Variants in PLEKHA7 observed in about 807,000 individuals in gnomAD.
PLEKHA7 encodes pleckstrin homology domain containing A7.
Under a neutral mutation model 170.0 loss-of-function variants are expected in PLEKHA7, and 104 were observed. The observed-to-expected ratio is 0.61, with a 90% CI of 0.52 to 0.72. The LOEUF is 0.72. PLEKHA7 is among the 30% of genes least tolerant of loss of function. PLEKHA7 has a pLI of 0.00. For missense variants in PLEKHA7, 1,615 were observed against 1,671.7 expected (o/e 0.97, Z 0.59); for synonymous variants, 648 against 660.8 (o/e 0.98, Z 0.30).
chr11:16,832,354 A>G (rs1851184842), intron 9 of PLEKHA7, among the ~76,000 whole-genome samples: 1 of 152,212 alleles, frequency 6.6e-6, no homozygotes, highest in Non-Finnish European at 1.5e-5. Flanking sequence ...GTTGGGCCCC[A>G]GCATTTCTAG....
At chr11:16,809,917 G>C (rs1849245570) in intron 13 of PLEKHA7, among the ~76,000 whole-genome samples, 1 of 152,164 alleles carries the variant, frequency 6.6e-6, no homozygotes, top group Non-Finnish European at 1.5e-5. Flanking sequence ...CACTGTAGCT[G>C]TACCAGCTGC....
At chr11:16,831,399 C>T (rs766579447) in intron 9 of PLEKHA7, among the ~76,000 whole-genome samples, 5 of 152,132 alleles carry the variant, frequency 3.3e-5, no homozygotes, top group East Asian at 1.9e-4. Context: ...TTTAGCACAA[C>T]GATGGGAAGG....
intron 10 of PLEKHA7, among the ~76,000 whole-genome samples, chr11:16,820,960 C>T (rs1359551169): frequency 1.3e-5 from 2 of 152,150 alleles, no homozygotes; most frequent in African/African-American, 2.4e-5. Context: ...AGACCCCATG[C>T]GAGCAAGTGG....
rs913886021 is a variant in PLEKHA7, at chr11:16,947,773, G to A, written c.221+66216C>T. Among the ~76,000 whole-genome samples the A allele has an allele frequency of 4.0e-5, 6 of 151,310 alleles. No individual in the cohort carries two copies. In the East Asian group the frequency reaches 5.9e-4, roughly 15 times the overall value. On this transcript the variant is annotated intron_variant, in intron 3 of 26. Transcript: ENST00000531066. Reference sequence around the variant, plus strand: ...TCTACTAATACACAAAAAATTAGCCGGGCTTGGTGGCGCATGCCTGTATTC... The same window carrying A: ...TCTACTAATACACAAAAAATTAGCCAGGCTTGGTGGCGCATGCCTGTATTC...
chr11:16,849,806 T>G lies in PLEKHA7; in HGVS notation c.696+1385A>C, dbSNP rs111933443. Among the ~76,000 whole-genome samples the G allele has an allele frequency of 4.6e-3, 697 of 152,224 alleles. 6 individuals carry two copies. The highest frequency in any genetic ancestry group is 0.016 in the African/African-American group (663 of 41,516). The stretch of plus-strand genomic sequence containing the variant: ...TTTTAAAGATATAAGGCAACAGTAT[T>G]CCACGCAACATGACACAGAGCACTA... On this transcript the variant is annotated intron_variant, in intron 8 of 26. Transcript: ENST00000531066.
At chr11:16,836,139 C>T (rs10766352) in intron 9 of PLEKHA7, among the ~76,000 whole-genome samples, 70,637 of 152,090 alleles carry the variant, frequency 0.46, 18,002 homozygotes, top group East Asian at 0.71. Flanking sequence ...TGGCTCTTTC[C>T]TACTGGATTT....
rs1218900560 is a variant in PLEKHA7 at position 16,841,704 on chromosome 11, G to A, written c.715C>T (p.Arg239Ter). ...YSFKAVHTGMRALIYNSSTAG... is the reference protein window; with the variant it reads ...YSFKAVHTGM ...GTGGAGCTGTTATAGATGAGCGCTC[G>A]CATCCCCGTGTGCACAGCCTGTAGC... is the stretch of plus-strand genomic sequence containing the variant. The change falls in exon 9 of 27, where the codon CGA becomes TGA. Residue 239 changes from arginine to a stop codon, truncating the protein, a stop_gained. Coordinates refer to ENST00000531066, the MANE Select transcript of PLEKHA7 (RefSeq NM_001329630.2). LOFTEE classifies it high-confidence loss of function. 3.1e-6 allele frequency: 5 copies of A among 1,613,844 alleles called. No homozygotes were observed. Among genetic ancestry groups the A allele is most frequent in the South Asian group, 1.1e-5 (1 of 91,070 alleles).
At position 16,855,905 on chromosome 11, in the gene PLEKHA7, T is replaced by G; in HGVS notation, c.315A>C (p.Pro105=). ...GGTTTCTGTCTTGCTTCGACATATGTGGATTCGGCCTGTGAGGAGACAGGG... is the reference window on the plus strand; with the variant it reads ...GGTTTCTGTCTTGCTTCGACATATGGGGATTCGGCCTGTGAGGAGACAGGG... ...SEFILQEEPN[P]HMSKQDRNQR... The change falls in exon 5 of 27, where the codon CCA becomes CCC. Residue 105 remains proline, a synonymous_variant. Transcript: ENST00000531066. 1 of 1,613,784 alleles carries G rather than the reference T, an allele frequency of 6.2e-7. No homozygotes were observed. The highest frequency in any genetic ancestry group is 8.5e-7 in the Non-Finnish European group (1 of 1,179,654).
intron 19 of PLEKHA7, among the ~76,000 whole-genome samples, chr11:16,793,633 C>A (rs1186935504): frequency 6.6e-6 from 1 of 152,264 alleles, no homozygotes; most frequent in African/African-American, 2.4e-5. Context: ...GGCTTCCCTG[C>A]ACTGGGACCA....
chr11:16,814,576 C>T (rs1351089569), intron 12 of PLEKHA7, among the ~76,000 whole-genome samples: 2 of 152,210 alleles, frequency 1.3e-5, no homozygotes, highest in African/African-American at 2.4e-5. Flanking sequence ...GTTCTTGCAA[C>T]AGTTTAGAAC....
intron 3 of PLEKHA7, among the ~76,000 whole-genome samples, chr11:16,937,783 T>C (rs559193683): frequency 2.9e-4 from 44 of 152,192 alleles, no homozygotes; most frequent in Admixed American, 9.2e-4. Flanking sequence ...TAATTTTGTA[T>C]TTTTAGTAGA....
Position 16,992,958 on chromosome 11 carries a change from C to G in PLEKHA7, c.221+21031G>C, listed in dbSNP as rs922759706. On this transcript the variant is annotated intron_variant, in intron 3 of 26. Coordinates refer to ENST00000531066, the MANE Select transcript of PLEKHA7 (RefSeq NM_001329630.2). ...AGTGCCTCACTGGTTGTGAAATTCCCTCCAGGCCCTTAAGTGATATTTGAC... is the reference window on the plus strand; with the variant it reads ...AGTGCCTCACTGGTTGTGAAATTCCGTCCAGGCCCTTAAGTGATATTTGAC... 2.6e-5 allele frequency among the ~76,000 whole-genome samples: 4 copies of G among 152,116 alleles called. No homozygotes were observed. In the South Asian group the frequency reaches 6.2e-4, roughly 24 times the overall value.
intron 8 of PLEKHA7, among the ~76,000 whole-genome samples, chr11:16,846,234 G>A (rs1190570929): frequency 6.6e-6 from 1 of 151,988 alleles, no homozygotes; most frequent in Non-Finnish European, 1.5e-5. Context: ...GCAGTGAGTG[G>A]AGATCACGCG....
chr11:16,863,808 C>T (rs1470845489), intron 4 of PLEKHA7, among the ~76,000 whole-genome samples: 1 of 152,038 alleles, frequency 6.6e-6, no homozygotes, highest in Non-Finnish European at 1.5e-5. Context: ...CTCTTTTAGC[C>T]AGAAAGGGTC....
In PLEKHA7 at chr11:16,841,610, A is replaced by G; in HGVS notation, c.809T>C (p.Met270Thr). The G allele has an allele frequency of 6.2e-7, 1 of 1,614,080 alleles. No individual in the cohort carries two copies. The highest frequency in any genetic ancestry group is 8.5e-7 in the Non-Finnish European group (1 of 1,180,014). Residue 270 changes from methionine to threonine, a missense_variant, in exon 9 of 27, where the codon ATG (methionine) becomes ACG (threonine). Physicochemically the swap from Met to Thr is moderately conservative, Grantham distance 81. Transcript: ENST00000531066. ...GTTCATGGCCCTGACCCAAGCGTTC[A>G]TGTCCTCCTGGGTGTCGGCACTGAA... The part of the protein sequence containing the change: ...YYFSADTQED[M>T]NAWVRAMNQA...
chr11:16,783,965 T>TGCTTCCTG, intron 24 of PLEKHA7, 132 bp from the exon 25 acceptor site: 1 of 996,818 alleles, frequency 1.0e-6, no homozygotes. Context: ...CTTGCTAAGA[T>TGCTTCCTG]CACAAAATTA....
chr11:16,977,803 G>T (rs1863164210), intron 3 of PLEKHA7, among the ~76,000 whole-genome samples: 1 of 152,162 alleles, frequency 6.6e-6, no homozygotes, highest in African/African-American at 2.4e-5. Context: ...CGCTTTGTCA[G>T]TTCCTAGCTG....
chr11:16,876,001 C>T (rs1373197051), intron 3 of PLEKHA7, among the ~76,000 whole-genome samples: 1 of 152,098 alleles, frequency 6.6e-6, no homozygotes, highest in Non-Finnish European at 1.5e-5. Flanking sequence ...GATCTCTTTC[C>T]ACTACTCCAG....
intron 4 of PLEKHA7, among the ~76,000 whole-genome samples, chr11:16,862,314 G>A (rs962013672): frequency 2.0e-5 from 3 of 152,100 alleles, no homozygotes; most frequent in South Asian, 2.1e-4. Flanking sequence ...TCCCCAAATC[G>A]GAGTATTGCC....
Sources: gnomAD v4.1 joint callset for allele counts (sites outside exome capture counted in the v4.1 genomes callset) on GRCh38, gnomAD v4.1.1 for gene constraint, MANE v1.5 for transcripts, NCBI Gene and HGNC (gene_info 2026-07-23, HGNC 2026-07-21) for gene names.